The following CNTNAP2 variants were observed in gnomAD, a reference collection of about 807,000 sequenced individuals.
The protein encoded by CNTNAP2 is contactin associated protein 2.
In CNTNAP2, 98 loss-of-function variants were observed where a neutral mutation model predicts 155.2. The ratio of observed to expected loss-of-function variants is 0.63; its 90% CI spans 0.54 to 0.75. The LOEUF (loss-of-function observed/expected upper bound fraction) is 0.75. Ranked by LOEUF, CNTNAP2 falls within the 30% of genes least tolerant of loss-of-function variation. The pLI is 0.00. For missense variants in CNTNAP2, 1,727 were observed against 1,688.1 expected, an observed-to-expected ratio of 1.02 and a Z score of -0.40; for synonymous variants, 651 against 631.2, an observed-to-expected ratio of 1.03 and a Z score of -0.47.
chr7:147,041,551 A>G (rs1799260077), intron 3 of CNTNAP2, among the ~76,000 whole-genome samples: 1 of 151,998 alleles, frequency 6.6e-6, no homozygotes, highest in Middle Eastern at 3.2e-3. Context: ...CCTTCTATGC[A>G]GCTGAGCTCT....
chr7:147,713,195 A>G (rs75504126), intron 13 of CNTNAP2, among the ~76,000 whole-genome samples: 87 of 152,182 alleles, frequency 5.7e-4, no homozygotes, highest in Non-Finnish European at 1.2e-3. Flanking sequence ...TTTGCATGTA[A>G]TAAAATTCAC....
intron 1 of CNTNAP2, among the ~76,000 whole-genome samples, chr7:146,184,406 A>T (rs1312315482): frequency 6.6e-6 from 1 of 152,198 alleles, no homozygotes; most frequent in Admixed American, 6.5e-5. Flanking sequence ...ACAACAAAAG[A>T]TTGTGTAATC....
chr7:146,891,684 A>G (rs2129211623), intron 3 of CNTNAP2, among the ~76,000 whole-genome samples: 1 of 152,254 alleles, frequency 6.6e-6, no homozygotes, highest in East Asian at 1.9e-4. Flanking sequence ...GAACATAACA[A>G]CAGCAAAAAT....
chr7:147,385,181 T>G (rs1796604874), intron 9 of CNTNAP2, among the ~76,000 whole-genome samples: 1 of 152,132 alleles, frequency 6.6e-6, no homozygotes, highest in Admixed American at 6.6e-5. Context: ...CCCACCAGAT[T>G]CCTTCCCTGA....
chr7:146,357,145 A>G (rs1795009825), intron 1 of CNTNAP2, among the ~76,000 whole-genome samples: 1 of 151,834 alleles, frequency 6.6e-6, no homozygotes, highest in Admixed American at 6.6e-5. Flanking sequence ...GGGACAAAAT[A>G]GCAAACATAA....
chr7:146,796,874 C>T (rs1390792052), intron 2 of CNTNAP2, among the ~76,000 whole-genome samples: 2 of 152,122 alleles, frequency 1.3e-5, no homozygotes. Context: ...CGGTGGCTCA[C>T]ACCTGTAATC....
chr7:147,210,665 C>T (rs1316725844), intron 8 of CNTNAP2, among the ~76,000 whole-genome samples: 1 of 151,838 alleles, frequency 6.6e-6, no homozygotes, highest in African/African-American at 2.4e-5. Flanking sequence ...TTTCTCCTTT[C>T]TCTAAGTGTG....
intron 1 of CNTNAP2, among the ~76,000 whole-genome samples, chr7:146,662,536 G>GT (rs1014433328): frequency 2.2e-4 from 34 of 152,024 alleles, no homozygotes; most frequent in African/African-American, 7.7e-4. Flanking sequence ...AATTATATAG[G>GT]TTTTTTTGCA....
At chr7:146,290,553 C>G (rs559073692) in intron 1 of CNTNAP2, among the ~76,000 whole-genome samples, 3 of 152,244 alleles carry the variant, frequency 2.0e-5, no homozygotes, top group African/African-American at 7.2e-5. Context: ...ATTAAATTGT[C>G]ACTAATTACT....
At chr7:147,445,429 A>C (rs1444246404) in intron 10 of CNTNAP2, among the ~76,000 whole-genome samples, 1 of 152,152 alleles carries the variant, frequency 6.6e-6, no homozygotes, top group South Asian at 2.1e-4. Flanking sequence ...AAAATTGTGG[A>C]TCTAGAAATT....
chr7:146,377,115 A>G (rs918391342), intron 1 of CNTNAP2, among the ~76,000 whole-genome samples: 1 of 152,198 alleles, frequency 6.6e-6, no homozygotes, highest in African/African-American at 2.4e-5. Flanking sequence ...TGAAACTCAG[A>G]AAAACTCTAG....
At chr7:146,980,321 G>C (rs1797990329) in intron 3 of CNTNAP2, among the ~76,000 whole-genome samples, 1 of 152,192 alleles carries the variant, frequency 6.6e-6, no homozygotes, top group Non-Finnish European at 1.5e-5. Flanking sequence ...TAAGGACTGA[G>C]CTGTATGTGT....
At chr7:146,774,987 G>A (rs1487898038) in intron 2 of CNTNAP2, among the ~76,000 whole-genome samples, 1 of 152,058 alleles carries the variant, frequency 6.6e-6, no homozygotes, top group African/African-American at 2.4e-5. Context: ...CATAATTAAG[G>A]ACAGAGGCAA....
chr7:147,461,133 CATTT>C (rs1205492087), intron 10 of CNTNAP2, among the ~76,000 whole-genome samples: 4 of 152,142 alleles, frequency 2.6e-5, no homozygotes, highest in African/African-American at 7.2e-5. Context: ...GAAAAGAAAA[CATTT>C]ATAAGTGAGG....
intron 8 of CNTNAP2, among the ~76,000 whole-genome samples, chr7:147,184,923 C>T (rs1802532704): frequency 6.6e-6 from 1 of 152,090 alleles, no homozygotes; most frequent in South Asian, 2.1e-4. Flanking sequence ...AAAGCTAAAA[C>T]ATTGGTACTA....
chr7:147,677,944 G>A (rs1374707766), intron 13 of CNTNAP2, among the ~76,000 whole-genome samples: 3 of 151,654 alleles, frequency 2.0e-5, no homozygotes, highest in Admixed American at 6.6e-5. Context: ...TTGAAATCAG[G>A]GAGTGTGATG....
intron 4 of CNTNAP2, among the ~76,000 whole-genome samples, chr7:147,058,039 T>C (rs1799595990): frequency 6.6e-6 from 1 of 152,208 alleles, no homozygotes; most frequent in Admixed American, 6.5e-5. Flanking sequence ...TTGTGGAGAA[T>C]TACACAACAT....
intron 1 of CNTNAP2, among the ~76,000 whole-genome samples, chr7:146,711,640 T>C (rs1316227216): frequency 3.4e-5 from 5 of 148,962 alleles, no homozygotes; most frequent in African/African-American, 4.9e-5. Flanking sequence ...AGACTGGAAG[T>C]CATTTTGAGG....
chr7:148,266,337 G>C (rs1370771118), intron 20 of CNTNAP2, among the ~76,000 whole-genome samples: 4 of 152,180 alleles, frequency 2.6e-5, no homozygotes, highest in African/African-American at 9.7e-5. Flanking sequence ...CAGCTGAGAA[G>C]ATAAGGCAGG....
Sources: gnomAD v4.1 joint callset for allele counts (sites outside exome capture counted in the v4.1 genomes callset) on GRCh38, gnomAD v4.1.1 for gene constraint, MANE v1.5 for transcripts, NCBI Gene and HGNC (gene_info 2026-07-23, HGNC 2026-07-21) for gene names.